CORIN: variants seen among roughly 807,000 people sequenced by gnomAD.
CORIN encodes atrial natriuretic peptide-converting enzyme.
In CORIN, 117 loss-of-function variants were observed where a neutral mutation model predicts 125.3. The ratio of observed to expected loss-of-function variants is 0.93; its 90% CI spans 0.80 to 1.09. CORIN has a LOEUF of 1.09. CORIN is among the 50% of genes least tolerant of loss of function. The pLI is 0.00. For missense variants in CORIN, 1,253 were observed against 1,306.7 expected (o/e 0.96, Z 0.63); for synonymous variants, 450 against 466.4 (o/e 0.96, Z 0.45).
intron 12 of CORIN, among the ~76,000 whole-genome samples, chr4:47,661,296 T>C (rs1233801353): frequency 1.3e-5 from 2 of 152,152 alleles, no homozygotes; most frequent in African/African-American, 4.8e-5. Context: ...TCAACAATAA[T>C]TTATTGTACA....
At chr4:47,712,618 G>C (rs1196270795) in intron 5 of CORIN, among the ~76,000 whole-genome samples, 4 of 152,126 alleles carry the variant, frequency 2.6e-5, no homozygotes, top group South Asian at 2.1e-4. Flanking sequence ...ATGGCAACAG[G>C]CTTGGGGAAA....
At chr4:47,677,838 T>C in intron 9 of CORIN, 100 bp downstream of exon 9, 1 of 814,300 alleles carries the variant, frequency 1.2e-6, no homozygotes, top group Non-Finnish European at 2.1e-6. Flanking sequence ...TGGGATTATT[T>C]ACATGGGAAT....
intron 1 of CORIN, among the ~76,000 whole-genome samples, chr4:47,812,956 A>G (rs1280508385): frequency 2.6e-5 from 4 of 152,236 alleles, no homozygotes; most frequent in African/African-American, 9.6e-5. Flanking sequence ...AGAAGTAAAA[A>G]TATAAATAAT....
intron 14 of CORIN, among the ~76,000 whole-genome samples, chr4:47,644,388 C>T (rs770530950): frequency 2.6e-5 from 4 of 152,110 alleles, no homozygotes; most frequent in Admixed American, 6.6e-5. Flanking sequence ...CAAGAGTCCA[C>T]CTACTTGACT....
chr4:47,768,725 C>T (rs980366592), intron 3 of CORIN, among the ~76,000 whole-genome samples: 2 of 152,128 alleles, frequency 1.3e-5, no homozygotes, highest in African/African-American at 4.8e-5. Context: ...AGACAAAAGC[C>T]ATACGACCAT....
At position 47,762,632 on chromosome 4, in the gene CORIN, G is replaced by T. The variant is rs1729520816; in HGVS notation, c.617+747C>A. 6.6e-5 allele frequency among the ~76,000 whole-genome samples: 10 copies of T among 152,292 alleles called. No individual in the cohort carries two copies. In the Middle Eastern group the frequency reaches 0.014, roughly 207 times the overall value. On this transcript the variant is annotated intron_variant, in intron 4 of 21. Coordinates refer to ENST00000273857, the MANE Select transcript of CORIN (RefSeq NM_006587.4). ...AGTGGAAGAACCACCCAACATCTAT[G>T]TATGGTTCACACTTGCTTTAAAGTA...
intron 19 of CORIN, among the ~76,000 whole-genome samples, chr4:47,621,335 G>A (rs1722300914): frequency 6.6e-6 from 1 of 152,180 alleles, no homozygotes. Context: ...ATACAGAGAG[G>A]AACTGAGGCC....
At position 47,765,316 on chromosome 4, in the gene CORIN, A is replaced by C. The variant is rs1447454895; in HGVS notation, c.410-1730T>G. ...ACAGAGCGAGACTCCGTCCCCCAAA[A>C]AAAAAAAAAAAGAATCCTAGGAATT... is the stretch of plus-strand genomic sequence containing the variant. On this transcript the variant is annotated intron_variant, in intron 3 of 21. Coordinates refer to ENST00000273857, the MANE Select transcript of CORIN (RefSeq NM_006587.4). 3.3e-5 allele frequency among the ~76,000 whole-genome samples: 5 copies of C among 151,904 alleles called. 1 individual carries two copies. The highest frequency in any genetic ancestry group is 9.6e-5 in the African/African-American group (4 of 41,462).
At position 47,677,897 on chromosome 4, in the gene CORIN, C is replaced by CTTGGG. The variant is rs775054250; in HGVS notation, c.1249+40_1249+41insCCCAA. The stretch of plus-strand genomic sequence containing the variant: ...GTTCCTTTGTTCCCAAGGAGAGGAC[C>CTTGGG]ACCAGTAAAGGAATGTTCTGGGGTG... On this transcript the variant is annotated intron_variant, in intron 9 of 21. Transcript: ENST00000273857. The CTTGGG allele has an allele frequency of 9.6e-5, 131 of 1,360,950 alleles. 2 individuals carry two copies. In the East Asian group the frequency reaches 2.9e-3, roughly 30 times the overall value. 84.3% of individuals were successfully genotyped at this position (1,360,950 alleles called of 1,614,324 possible).
intron 12 of CORIN, among the ~76,000 whole-genome samples, chr4:47,658,983 A>C (rs1724121995): frequency 1.3e-5 from 2 of 152,184 alleles, no homozygotes; most frequent in South Asian, 4.1e-4. Context: ...GTTGCTTAGA[A>C]ATTTCTTTCA....
intron 12 of CORIN, chr4:47,661,475 A>G (rs6853454): frequency 0.13 from 60,203 of 452,656 alleles, 6,212 homozygotes; most frequent in East Asian, 0.48. Context: ...ACCCACAAAA[A>G]TAAAAGAATA....
intron 2 of CORIN, among the ~76,000 whole-genome samples, chr4:47,793,660 T>C (rs1577928837): frequency 6.6e-6 from 1 of 152,088 alleles, no homozygotes; most frequent in African/African-American, 2.4e-5. Flanking sequence ...GAGAGAAACA[T>C]AGGTTCTTCA....
intron 19 of CORIN, among the ~76,000 whole-genome samples, chr4:47,617,121 G>A (rs765394763): frequency 1.2e-4 from 19 of 152,334 alleles, no homozygotes; most frequent in Non-Finnish European, 2.5e-4. Flanking sequence ...GGATGACAAA[G>A]ATTTGGAGAC....
intron 19 of CORIN, among the ~76,000 whole-genome samples, chr4:47,610,095 C>G (rs1473719226): frequency 6.6e-6 from 1 of 152,144 alleles, no homozygotes; most frequent in Non-Finnish European, 1.5e-5. Flanking sequence ...AATAGAATGA[C>G]TTATATTCCT....
chr4:47,613,812 G>A (rs1365297089), intron 19 of CORIN, among the ~76,000 whole-genome samples: 1 of 116,208 alleles, frequency 8.6e-6, no homozygotes, highest in African/African-American at 3.2e-5. Flanking sequence ...CTGTTGTGGG[G>A]TGGGGGGAGG....
chr4:47,596,448 T>C (rs1268080190), intron 21 of CORIN, among the ~76,000 whole-genome samples: 1 of 152,222 alleles, frequency 6.6e-6, no homozygotes, highest in Non-Finnish European at 1.5e-5. Flanking sequence ...TTTGGCATAG[T>C]TGAATACAAA....
chr4:47,789,640 G>A (rs1239021377), intron 2 of CORIN, among the ~76,000 whole-genome samples: 1 of 152,040 alleles, frequency 6.6e-6, no homozygotes, highest in Non-Finnish European at 1.5e-5. Context: ...CTCCCAACAC[G>A]GTTGTCTACT....
At chr4:47,769,092 C>T (rs1729898649) in intron 3 of CORIN, among the ~76,000 whole-genome samples, 1 of 151,994 alleles carries the variant, frequency 6.6e-6, no homozygotes, top group Admixed American at 6.6e-5. Context: ...ACAAGGAAAC[C>T]TGTTAGAATA....
chr4:47,660,000 G>C (rs553015419), intron 12 of CORIN, among the ~76,000 whole-genome samples: 7 of 152,138 alleles, frequency 4.6e-5, no homozygotes, highest in African/African-American at 1.7e-4. Context: ...AGACACATAG[G>C]CTAAGGGAAC....
Sources: gnomAD v4.1 joint callset for allele counts (sites outside exome capture counted in the v4.1 genomes callset) on GRCh38, gnomAD v4.1.1 for gene constraint, MANE v1.5 for transcripts, NCBI Gene and HGNC (gene_info 2026-07-23, HGNC 2026-07-21) for gene names.